The following FN3K variants were observed in gnomAD, a reference collection of about 807,000 sequenced individuals.
The protein encoded by FN3K is fructosamine-3-kinase.
A neutral mutation model predicts 24.8 loss-of-function variants in FN3K; 24 were observed. The ratio of observed to expected loss-of-function variants is 0.97; its 90% confidence interval spans 0.70 to 1.36. FN3K has a LOEUF of 1.36. Among genes scored for constraint, FN3K ranks in the 40% most tolerant of loss-of-function variants. The pLI is 0.00. For missense variants in FN3K, 449 were observed against 416.7 expected (o/e 1.08, Z -0.67); for synonymous variants, 192 against 175.2 (o/e 1.10, Z -0.76).
chr17:82,750,608 C>G lies in FN3K; in HGVS notation c.783C>G (p.Thr261=). The G allele has an allele frequency of 6.2e-7, 1 of 1,614,138 alleles. No homozygotes were observed. Among genetic ancestry groups the G allele is most frequent in the East Asian group, 2.2e-5 (1 of 44,882 alleles). Residue 261 remains threonine, a synonymous_variant, in exon 6 of 6, where the codon ACC becomes ACG. Transcript: ENST00000300784. ...GGGGGTTCCCCAGATCCTTCTTCAC[C>G]GCCTACCACCGGAAGATCCCCAAGG... ...MFGGFPRSFF[T]AYHRKIPKAP...
intron 2 of FN3K, among the ~76,000 whole-genome samples, chr17:82,740,314 A>G (rs1363840362): frequency 1.3e-5 from 2 of 150,506 alleles, no homozygotes; most frequent in Admixed American, 6.7e-5. Context: ...TTGTGATTAC[A>G]TGATGTTATT....
intron 4 of FN3K, chr17:82,745,602 G>C (rs929275168): frequency 6.6e-6 from 1 of 152,180 alleles, no homozygotes; most frequent in African/African-American, 2.4e-5. Context: ...CCATTCCCCT[G>C]TACGGATCTA....
intron 4 of FN3K, among the ~76,000 whole-genome samples, chr17:82,747,017 G>C (rs1380464266): frequency 6.6e-6 from 1 of 151,892 alleles, no homozygotes; most frequent in East Asian, 2.0e-4. Flanking sequence ...TAGAGATAGA[G>C]TTTCACCATC....
Position 82,735,788 on chromosome 17 carries a change from G to T in FN3K, c.141+11G>T, listed in dbSNP as rs2046896830. ...AACCGCAGGACGCAGGTGCTGGCCCGTGCGCAGGCGGGGGCTCTGCGGGTC... is the reference window on the plus strand; with the variant it reads ...AACCGCAGGACGCAGGTGCTGGCCCTTGCGCAGGCGGGGGCTCTGCGGGTC... On this transcript the variant is annotated intron_variant, in intron 1 of 5. Transcript: ENST00000300784. 5 of 1,555,764 alleles carry T rather than the reference G, an allele frequency of 3.2e-6. No homozygotes were observed. The highest frequency in any genetic ancestry group is 3.5e-6 in the Non-Finnish European group (4 of 1,151,590).
intron 4 of FN3K, chr17:82,742,645 CTTGAACCATCATCT>C (rs1262116786): frequency 2.2e-6 from 1 of 455,308 alleles, no homozygotes; most frequent in Admixed American, 2.4e-5. Context: ...ACTGGAGCCT[CTTGAACCATCATCT>C]TTGAAATCTG....
chr17:82,738,735 G>A (rs1210131665), intron 2 of FN3K, 95 bp downstream of exon 2: 5 of 1,498,906 alleles, frequency 3.3e-6, no homozygotes, highest in Non-Finnish European at 9.2e-7. Flanking sequence ...TAGAGATGGG[G>A]AGGGAGACAG....
At chr17:82,738,743 CAG>C in intron 2 of FN3K, 103 bp downstream of exon 2, 2 of 1,455,612 alleles carry the variant, frequency 1.4e-6, no homozygotes, top group Non-Finnish European at 1.9e-6. Flanking sequence ...GGGAGGGAGA[CAG>C]AAACAGGGAG....
At chr17:82,746,099 A>AG (rs2046967137) in intron 4 of FN3K, among the ~76,000 whole-genome samples, 1 of 151,410 alleles carries the variant, frequency 6.6e-6, no homozygotes, top group African/African-American at 2.4e-5. Flanking sequence ...GTCTCAAAAA[A>AG]AAAAAAAAAA....
intron 2 of FN3K, among the ~76,000 whole-genome samples, chr17:82,740,090 A>T (rs1410824843): frequency 6.6e-6 from 1 of 151,552 alleles, no homozygotes; most frequent in East Asian, 1.9e-4. Flanking sequence ...TTTAGTAGAG[A>T]TGGGGTTTCA....
intron 1 of FN3K, among the ~76,000 whole-genome samples, chr17:82,736,852 G>A (rs867442659): frequency 7.2e-5 from 11 of 152,362 alleles, no homozygotes; most frequent in South Asian, 2.1e-4. Context: ...TTTTGGTTCA[G>A]GCTTCCCACG....
At chr17:82,748,743 C>T (rs1213020516) in intron 4 of FN3K, 112 bp from the exon 5 acceptor site, 2 of 1,524,108 alleles carry the variant, frequency 1.3e-6, no homozygotes, top group African/African-American at 1.4e-5. Flanking sequence ...TCTGTCTTAC[C>T]TCCTTTGTTG....
At chr17:82,746,734 C>CA in intron 4 of FN3K, among the ~76,000 whole-genome samples, 1 of 152,070 alleles carries the variant, frequency 6.6e-6, no homozygotes, top group East Asian at 1.9e-4. Flanking sequence ...ACCCGGGAGG[C>CA]AGGGAGGTTG....
At position 82,750,451 on chromosome 17, in the gene FN3K, T is replaced by C. The variant is rs775388536; in HGVS notation, c.626T>C (p.Ile209Thr). The C allele has an allele frequency of 8.1e-6, 13 of 1,613,994 alleles. No individual in the cohort carries two copies. Among genetic ancestry groups the C allele is most frequent in the East Asian group, 6.7e-5 (3 of 44,886 alleles). ...KIPDLFCGLE[I>T]VPALLHGDLW... The stretch of plus-strand genomic sequence containing the variant: ...CCGGATCTGTTTTGTGGCCTAGAGA[T>C]TGTCCCCGCGTTGCTCCACGGGGAT... Residue 209 changes from isoleucine to threonine, a missense_variant, in exon 6 of 6, where the codon ATT becomes ACT. Ile to Thr is a moderately conservative substitution (Grantham distance 89). Coordinates refer to ENST00000300784, the MANE Select transcript of FN3K (RefSeq NM_022158.4).
rs2046898558 is a variant in FN3K, at chr17:82,736,035, G to T, written c.141+258G>T. The T allele has an allele frequency of 4.2e-5, 19 of 456,040 alleles. No homozygotes were observed. In the South Asian group the frequency reaches 4.6e-4, roughly 11 times the overall value. The allele number at this position is 456,040 out of a possible 1,614,324, so 28.2% of individuals were successfully genotyped here. ...TGGTTTTAACTTTCCTATCCAGCAA[G>T]CGTCGGGGGATGTGAGGCTTGGGGT... On this transcript the variant is annotated intron_variant, in intron 1 of 5. Coordinates refer to ENST00000300784, the MANE Select transcript of FN3K (RefSeq NM_022158.4).
intron 4 of FN3K, among the ~76,000 whole-genome samples, chr17:82,748,438 G>A (rs980953222): frequency 1.3e-5 from 2 of 151,816 alleles, no homozygotes; most frequent in African/African-American, 4.8e-5. Flanking sequence ...GTGAGCCACT[G>A]TGCCTGGCCT....
chr17:82,735,995 A>ACAGG, intron 1 of FN3K: 1 of 600,706 alleles, frequency 1.7e-6, no homozygotes, highest in Non-Finnish European at 2.8e-6. Context: ...TGCGCAGCGC[A>ACAGG]CAGGCTTCTA....
intron 4 of FN3K, chr17:82,742,687 C>CTT: frequency 2.2e-6 from 1 of 456,120 alleles, no homozygotes; most frequent in Non-Finnish European, 4.4e-6. Context: ...CCAAAGAAGA[C>CTT]TTTGGACAGC....
At chr17:82,746,836 TG>T (rs2046971515) in intron 4 of FN3K, among the ~76,000 whole-genome samples, 1 of 151,998 alleles carries the variant, frequency 6.6e-6, no homozygotes, top group East Asian at 1.9e-4. Flanking sequence ...TCCTTTTTAT[TG>T]TTGTTGAGAT....
intron 4 of FN3K, among the ~76,000 whole-genome samples, chr17:82,747,756 TTTA>T: frequency 6.6e-6 from 1 of 152,336 alleles, no homozygotes; most frequent in South Asian, 2.1e-4. Context: ...TTCTTCTCAA[TTTA>T]TTGAGATCTG....
Sources: gnomAD v4.1 joint callset for allele counts (sites outside exome capture counted in the v4.1 genomes callset) on GRCh38, gnomAD v4.1.1 for gene constraint, MANE v1.5 for transcripts, NCBI Gene and HGNC (gene_info 2026-07-23, HGNC 2026-07-21) for gene names.